Variants in FHAD1 observed in about 807,000 individuals in gnomAD.
The protein encoded by FHAD1 is forkhead associated phosphopeptide binding domain 1, also known as forkhead-associated domain-containing protein 1.
FHAD1 carries 146 observed loss-of-function variants against 191.3 expected under a neutral mutation model. The observed-to-expected ratio is 0.76, with a 90% CI of 0.67 to 0.88. The LOEUF (loss-of-function observed/expected upper bound fraction) is 0.88, where lower values mean the gene tolerates loss of function less well. Among genes scored for constraint, FHAD1 ranks in the 40% least tolerant of loss-of-function variants. The pLI is 0.00. For missense variants in FHAD1, 1,635 were observed against 1,785.8 expected, an observed-to-expected ratio of 0.92 and a Z score of 1.52; for synonymous variants, 616 against 672.3, an observed-to-expected ratio of 0.92 and a Z score of 1.29.
At chr1:15,395,988 G>A (rs1408291352) in intron 33 of FHAD1, among the ~76,000 whole-genome samples, 1 of 152,074 alleles carries the variant, frequency 6.6e-6, no homozygotes, top group Admixed American at 6.6e-5. Flanking sequence ...ATGTGTTACT[G>A]TAAGAACCTC....
intron 14 of FHAD1, chr1:15,334,833 G>T (rs1379622349): frequency 6.6e-6 from 1 of 152,168 alleles, no homozygotes; most frequent in Admixed American, 6.6e-5. Context: ...CAGCAAATGG[G>T]GTTTCTTTAG....
chr1:15,264,136 T>C (rs1652390706), intron 2 of FHAD1, among the ~76,000 whole-genome samples: 1 of 152,178 alleles, frequency 6.6e-6, no homozygotes, highest in Non-Finnish European at 1.5e-5. Flanking sequence ...TCCATATAAA[T>C]TTTAGAATAA....
chr1:15,318,304 C>T lies in FHAD1; in HGVS notation c.1365+376C>T, dbSNP rs1390656409. ...AATTGTATTGCATACTCCAGACCTG[C>T]GCTATCCATAACAGTAGCCACTAAC... On this transcript the variant is annotated intron_variant, in intron 10 of 33. Transcript: ENST00000688493. The surrounding 1 kb of genome is among the most constrained non-coding windows in gnomAD (Gnocchi z 4.1). Among the ~76,000 whole-genome samples the T allele has an allele frequency of 6.6e-6, 1 of 152,184 alleles. No individual in the cohort carries two copies. Among genetic ancestry groups the T allele is most frequent in the Non-Finnish European group, 1.5e-5 (1 of 68,038 alleles).
In FHAD1 at chr1:15,276,793, A is replaced by C. The variant is rs1240497237; in HGVS notation, c.300+4264A>C. 5.4e-5 allele frequency among the ~76,000 whole-genome samples: 8 copies of C among 148,190 alleles called. No homozygotes were observed. The South Asian group carries it at 6.3e-4, about 12-fold the overall frequency. On this transcript the variant is annotated intron_variant, in intron 3 of 33. Coordinates refer to ENST00000688493, the MANE Select transcript of FHAD1 (RefSeq NM_001391957.1). This position sits in a 1 kb window ranked among gnomAD's most constrained non-coding sequence, Gnocchi z 4.7. ...TGGGCAACAGAGTGAGACTCTCTCA[A>C]AAAAAAAAAAAGTATAGCCTAGGGC...
chr1:15,241,720 T>C (rs2100554518), intron 1 of FHAD1, among the ~76,000 whole-genome samples: 1 of 151,580 alleles, frequency 6.6e-6, no homozygotes. Context: ...GCAGTCAGGA[T>C]AGGGGCTACC....
chr1:15,390,430 A>C (rs558963977), intron 32 of FHAD1, among the ~76,000 whole-genome samples: 2 of 151,420 alleles, frequency 1.3e-5, no homozygotes, highest in South Asian at 2.1e-4. Flanking sequence ...TGCTGGTGAC[A>C]CTAGGCCCAC....
intron 6 of FHAD1, among the ~76,000 whole-genome samples, chr1:15,303,375 T>C (rs980230641): frequency 3.3e-5 from 5 of 152,210 alleles, no homozygotes; most frequent in Non-Finnish European, 7.3e-5. Flanking sequence ...CAGATCTCCA[T>C]CTTTTTCAGT....
chr1:15,291,147 C>CT (rs1664626791), intron 4 of FHAD1, among the ~76,000 whole-genome samples: 1 of 139,560 alleles, frequency 7.2e-6, no homozygotes, highest in Non-Finnish European at 1.5e-5. Context: ...GAGTCTCACT[C>CT]TATTGCCCAA....
At chr1:15,339,599 T>C in intron 15 of FHAD1, 48 bp downstream of exon 15, 1 of 1,005,178 alleles carries the variant, frequency 9.9e-7, no homozygotes, top group Non-Finnish European at 1.4e-6. Flanking sequence ...CGGCCCCTGG[T>C]TGGCATTTAT....
At chr1:15,307,065 A>G (rs563176066) in intron 6 of FHAD1, among the ~76,000 whole-genome samples, 1 of 152,292 alleles carries the variant, frequency 6.6e-6, no homozygotes, top group South Asian at 2.1e-4. Flanking sequence ...GCAAAGCCAC[A>G]GGGATGGAGC....
chr1:15,374,128 T>G (rs1005774084), intron 26 of FHAD1, among the ~76,000 whole-genome samples: 3 of 152,212 alleles, frequency 2.0e-5, no homozygotes, highest in Non-Finnish European at 2.9e-5. Context: ...AAAGAAAGCA[T>G]CATGGGTTCT....
intron 28 of FHAD1, among the ~76,000 whole-genome samples, chr1:15,376,076 TATTTTTTTATTTA>T (rs1699537793): frequency 7.2e-6 from 1 of 138,876 alleles, no homozygotes; most frequent in African/African-American, 2.8e-5. Context: ...TTTATTTATT[TATTTTTTTATTTA>T]TTTTTTTATT....
intron 15 of FHAD1, among the ~76,000 whole-genome samples, 189 bp downstream of exon 15, chr1:15,339,740 G>C (rs1029228285): frequency 2.0e-5 from 3 of 152,164 alleles, no homozygotes; most frequent in Non-Finnish European, 4.4e-5. Context: ...CTCCCAGGAG[G>C]GTAAGGACAA....
At chr1:15,346,213 T>G (rs548828357) in intron 18 of FHAD1, among the ~76,000 whole-genome samples, 10 of 152,304 alleles carry the variant, frequency 6.6e-5, no homozygotes, top group South Asian at 6.2e-4. Context: ...TGGCCTGTGC[T>G]GCTCTCCAGA....
chr1:15,316,707 G>A lies in FHAD1; in HGVS notation c.1260+240G>A, dbSNP rs1674568891. On this transcript the variant is annotated intron_variant, in intron 9 of 33. Transcript: ENST00000688493. This position sits in a 1 kb window ranked among gnomAD's most constrained non-coding sequence, Gnocchi z 4.3. Reference sequence around the variant, plus strand: ...CCTCAAGGGTTTCCCCTGGGGCCAGGTTGGGGTTGAGACCGGGGACAGGGA... The same window carrying A: ...CCTCAAGGGTTTCCCCTGGGGCCAGATTGGGGTTGAGACCGGGGACAGGGA... Among the ~76,000 whole-genome samples the A allele has an allele frequency of 6.6e-6, 1 of 152,186 alleles. No individual in the cohort carries two copies. Among genetic ancestry groups the A allele is most frequent in the African/African-American group, 2.4e-5 (1 of 41,444 alleles).
At position 15,324,494 on chromosome 1, in the gene FHAD1, C is replaced by G; in HGVS notation, c.1408C>G (p.Gln470Glu). Reference sequence around the variant, plus strand: ...GGAGGATTCCAGAAGGAAATTGCTTCAGCTGCAAGAAATGGGGAACAGAGA... The same window carrying G: ...GGAGGATTCCAGAAGGAAATTGCTTGAGCTGCAAGAAATGGGGAACAGAGA... ...LQEDSRRKLL[Q>E]LQEMGNRESV... Residue 470 changes from glutamine (Q) to glutamate (E), a missense_variant, in exon 11 of 34, where the codon CAG (glutamine) becomes GAG (glutamate). Gln to Glu is a conservative substitution (Grantham distance 29). Transcript: ENST00000688493. The G allele has an allele frequency of 6.4e-7, 1 of 1,552,232 alleles. No homozygotes were observed. Among genetic ancestry groups the G allele is most frequent in the South Asian group, 1.2e-5 (1 of 84,056 alleles).
Position 15,282,472 on chromosome 1 carries a change from T to C in FHAD1, c.301-6927T>C, listed in dbSNP as rs573397364. The stretch of plus-strand genomic sequence containing the variant: ...AACTCTTGTATCCCTAGCCAACTTA[T>C]GGTAGCAACTGATGAATGTTTCCAA... On this transcript the variant is annotated intron_variant, in intron 3 of 33. Coordinates refer to ENST00000688493, the MANE Select transcript of FHAD1 (RefSeq NM_001391957.1). Among the ~76,000 whole-genome samples, 5 of 152,320 alleles carry C rather than the reference T, an allele frequency of 3.3e-5. No homozygotes were observed. The South Asian group carries it at 8.3e-4, about 25-fold the overall frequency.
At position 15,316,234 on chromosome 1, in the gene FHAD1, C is replaced by A. The variant is rs61494817; in HGVS notation, c.1171-144C>A. ...TGTGCCCGTCAGACACCATGGGATGCCTTTTGGGATCTCAGTGCGTGACTG... is the reference window on the plus strand; with the variant it reads ...TGTGCCCGTCAGACACCATGGGATGACTTTTGGGATCTCAGTGCGTGACTG... On this transcript the variant is annotated intron_variant, in intron 8 of 33. Coordinates refer to ENST00000688493, the MANE Select transcript of FHAD1 (RefSeq NM_001391957.1). This position sits in a 1 kb window ranked among gnomAD's most constrained non-coding sequence, Gnocchi z 4.3. 763 of 639,048 alleles carry A rather than the reference C, an allele frequency of 1.2e-3. 5 individuals are homozygous for A. The highest frequency in any genetic ancestry group is 0.012 in the African/African-American group (630 of 54,416). 39.6% of individuals were successfully genotyped at this position (639,048 alleles called of 1,614,324 possible). A position where few individuals can be genotyped will look rare whatever the true frequency, so the allele number is the denominator to read the frequency against.
chr1:15,249,234 G>T (rs1573613490), intron 1 of FHAD1, among the ~76,000 whole-genome samples: 1 of 152,104 alleles, frequency 6.6e-6, no homozygotes, highest in Non-Finnish European at 1.5e-5. Context: ...CCTTTAGCTG[G>T]GGTGGTCAGG....
Sources: allele counts gnomAD v4.1 joint callset (sites outside exome capture counted in the v4.1 genomes callset), GRCh38; gene constraint gnomAD v4.1.1; non-coding constraint Gnocchi (gnomAD v3.1); transcripts MANE v1.5; gene names NCBI Gene and HGNC (gene_info 2026-07-23, HGNC 2026-07-21).